SLC16A10: variants seen among roughly 807,000 people sequenced by gnomAD.
SLC16A10 encodes the protein monocarboxylate transporter 10.
In SLC16A10, 27 loss-of-function variants were observed where a neutral mutation model predicts 40.0. The observed-to-expected ratio is 0.67, with a 90% confidence interval of 0.50 to 0.93. The LOEUF is 0.93. SLC16A10 is among the 40% of genes least tolerant of loss of function. The probability of loss-of-function intolerance (pLI) is 0.00; values close to 1 mark genes in which losing one functional copy is unlikely to be tolerated. For missense variants in SLC16A10, 529 were observed against 658.2 expected, an observed-to-expected ratio of 0.80 and a Z score of 2.15; for synonymous variants, 213 against 249.8, an observed-to-expected ratio of 0.85 and a Z score of 1.39.
chr6:111,186,206 A>C (rs1772895312), intron 3 of SLC16A10, among the ~76,000 whole-genome samples: 2 of 152,250 alleles, frequency 1.3e-5, no homozygotes, highest in Middle Eastern at 3.4e-3. Context: ...TCTGGCCTTC[A>C]CTAGGTTTTT....
chr6:111,200,681 G>T (rs1032373322), intron 3 of SLC16A10, among the ~76,000 whole-genome samples: 3 of 152,128 alleles, frequency 2.0e-5, no homozygotes, highest in African/African-American at 7.2e-5. Flanking sequence ...GTTTTGATTT[G>T]CAACAAACTC....
At chr6:111,143,943 G>A (rs1048302572) in intron 1 of SLC16A10, among the ~76,000 whole-genome samples, 1 of 152,062 alleles carries the variant, frequency 6.6e-6, no homozygotes, top group Admixed American at 6.5e-5. Flanking sequence ...GGTCAGCATC[G>A]TGAGGCCCTA....
intron 4 of SLC16A10, among the ~76,000 whole-genome samples, chr6:111,209,929 G>A (rs916122101): frequency 6.6e-6 from 1 of 152,102 alleles, no homozygotes; most frequent in African/African-American, 2.4e-5. Context: ...TGGAAGGAAG[G>A]TAAAGGCAAG....
intron 1 of SLC16A10, among the ~76,000 whole-genome samples, chr6:111,105,363 C>CTT (rs1562398759): frequency 6.6e-6 from 1 of 152,106 alleles, no homozygotes; most frequent in Non-Finnish European, 1.5e-5. Flanking sequence ...AGATTCTACT[C>CTT]TTTAAAAGAG....
intron 1 of SLC16A10, among the ~76,000 whole-genome samples, chr6:111,108,446 C>G (rs1771325482): frequency 6.6e-6 from 1 of 152,164 alleles, no homozygotes; most frequent in African/African-American, 2.4e-5. Flanking sequence ...TGATTAAATT[C>G]CTGGGACCCT....
Position 111,088,085 on chromosome 6 carries a change from C to T in SLC16A10, c.333C>T (p.Val111=), listed in dbSNP as rs768399145. The change falls in exon 1 of 6, where the codon GTC becomes GTT. Residue 111 remains valine, a synonymous_variant. Transcript: ENST00000368851. The part of the protein sequence containing the change: ...TFGSKDDDKM[V]FKTAWVGSLS... ...GCTCCAAAGACGATGACAAGATGGTCTTTAAGACAGGTGAGGCGCGGCGCC... is the reference window on the plus strand; with the variant it reads ...GCTCCAAAGACGATGACAAGATGGTTTTTAAGACAGGTGAGGCGCGGCGCC... The T allele has an allele frequency of 8.1e-6, 13 of 1,601,428 alleles. No homozygotes were observed. Among genetic ancestry groups the T allele is most frequent in the South Asian group, 1.1e-5 (1 of 89,270 alleles).
chr6:111,208,055 A>G (rs1204670923), intron 4 of SLC16A10, among the ~76,000 whole-genome samples: 1 of 152,098 alleles, frequency 6.6e-6, no homozygotes, highest in Non-Finnish European at 1.5e-5. Flanking sequence ...TGCAGCCTCA[A>G]CATCCCGGGC....
intron 4 of SLC16A10, among the ~76,000 whole-genome samples, chr6:111,214,150 C>A (rs1773385925): frequency 2.0e-5 from 3 of 152,132 alleles, no homozygotes; most frequent in Admixed American, 2.0e-4. Context: ...ACTTCTATAG[C>A]CTGTACTATT....
intron 1 of SLC16A10, among the ~76,000 whole-genome samples, chr6:111,092,453 C>T (rs1340468007): frequency 6.6e-6 from 1 of 150,558 alleles, no homozygotes; most frequent in African/African-American, 2.4e-5. Context: ...AGTAGCTGGA[C>T]TACCTGCGCT....
At chr6:111,104,809 A>T (rs1015145223) in intron 1 of SLC16A10, among the ~76,000 whole-genome samples, 13 of 152,018 alleles carry the variant, frequency 8.6e-5, no homozygotes, top group African/African-American at 3.1e-4. Flanking sequence ...TAGGTAATTT[A>T]GTTCATTTCT....
intron 1 of SLC16A10, among the ~76,000 whole-genome samples, chr6:111,105,651 CAA>C (rs1040112858): frequency 6.6e-6 from 1 of 152,188 alleles, no homozygotes; most frequent in African/African-American, 2.4e-5. Flanking sequence ...CAGTGAGACT[CAA>C]GAGAGTGTCA....
chr6:111,216,806 T>C (rs982965081), intron 4 of SLC16A10, among the ~76,000 whole-genome samples: 8 of 152,168 alleles, frequency 5.3e-5, no homozygotes, highest in Admixed American at 5.2e-4. Flanking sequence ...TATGATATGA[T>C]GGTGTCAAAA....
chr6:111,160,204 T>C (rs2114526104), intron 1 of SLC16A10, among the ~76,000 whole-genome samples: 1 of 152,332 alleles, frequency 6.6e-6, no homozygotes, highest in Middle Eastern at 3.4e-3. Context: ...CTAAGAAATC[T>C]TTGCCTAAAC....
At chr6:111,165,762 C>A (rs1326681288) in intron 1 of SLC16A10, among the ~76,000 whole-genome samples, 1 of 152,118 alleles carries the variant, frequency 6.6e-6, no homozygotes, top group East Asian at 1.9e-4. Context: ...AGAAAGGAAG[C>A]TAGAAGTTGT....
At chr6:111,175,761 GT>G (rs1304789523) in intron 2 of SLC16A10, among the ~76,000 whole-genome samples, 3 of 151,300 alleles carry the variant, frequency 2.0e-5, no homozygotes, top group Non-Finnish European at 4.4e-5. Flanking sequence ...ATGCAGTGGT[GT>G]TATCATAGCT....
In SLC16A10 at chr6:111,177,423, T is replaced by C. The variant is rs755999925; in HGVS notation, c.700T>C (p.Leu234=). ...TGACAGCGTGGGCCTCTTTTACACA[T>C]TGAGGGTGCTCTGCATCTTCATGTT... ...LIDSVGLFYT[L]RVLCIFMFVL... Residue 234 remains leucine (L), a synonymous_variant, in exon 3 of 6, where the codon TTG becomes CTG. Coordinates refer to ENST00000368851, the MANE Select transcript of SLC16A10 (RefSeq NM_018593.5). The C allele has an allele frequency of 3.1e-6, 5 of 1,614,130 alleles. No homozygotes were observed. Among genetic ancestry groups the C allele is most frequent in the South Asian group, 2.2e-5 (2 of 91,080 alleles).
At chr6:111,143,111 G>T (rs1323141670) in intron 1 of SLC16A10, among the ~76,000 whole-genome samples, 2 of 152,170 alleles carry the variant, frequency 1.3e-5, no homozygotes, top group East Asian at 3.9e-4. Flanking sequence ...ACAGGGTCTT[G>T]CTCTGTCATC....
At chr6:111,215,942 G>A (rs1038679146) in intron 4 of SLC16A10, among the ~76,000 whole-genome samples, 2 of 152,206 alleles carry the variant, frequency 1.3e-5, no homozygotes, top group Admixed American at 1.3e-4. Context: ...GCTGCAGTGA[G>A]CTATGATCGC....
At chr6:111,144,457 C>T (rs1772040788) in intron 1 of SLC16A10, among the ~76,000 whole-genome samples, 1 of 152,214 alleles carries the variant, frequency 6.6e-6, no homozygotes, top group Admixed American at 6.5e-5. Context: ...CCCGCCTCAG[C>T]CTCCCAAAGT....
Sources: allele counts gnomAD v4.1 joint callset (sites outside exome capture counted in the v4.1 genomes callset), GRCh38; gene constraint gnomAD v4.1.1; transcripts MANE v1.5; gene names NCBI Gene and HGNC (gene_info 2026-07-23, HGNC 2026-07-21).